The following IQCE variants were observed in gnomAD, a reference collection of about 807,000 sequenced individuals.
IQCE encodes IQ domain-containing protein E.
IQCE carries 115 observed loss-of-function variants against 96.0 expected under a neutral mutation model. The ratio of observed to expected loss-of-function variants is 1.20; its 90% confidence interval spans 1.03 to 1.40. The LOEUF is 1.40. Among genes scored for constraint, IQCE ranks in the 40% most tolerant of loss-of-function variants. IQCE has a pLI of 0.00. For missense variants in IQCE, 1,041 were observed against 909.1 expected (o/e 1.15, Z -1.87); for synonymous variants, 412 against 371.2 (o/e 1.11, Z -1.26).
chr7:2,566,055 A>G (rs1161727825), intron 1 of IQCE, among the ~76,000 whole-genome samples: 7 of 152,174 alleles, frequency 4.6e-5, no homozygotes, highest in African/African-American at 1.7e-4. Context: ...GCATCCCATT[A>G]TGATACTGCG....
At position 2,579,729 on chromosome 7, in the gene IQCE, G is replaced by GTGTGTGTGTC. The variant is rs1554307276; in HGVS notation, c.630+1208_630+1217dup. Reference sequence around the variant, plus strand: ...TGTGTGTGTGTGTGTGTGTGTGTGTGTGTGTGTGTCTGTGGGTATTTTTTT... The same window carrying GTGTGTGTGTC: ...TGTGTGTGTGTGTGTGTGTGTGTGTGTGTGTGTGTCTGTGTGTGTCTGTGGGTATTTTTTT... On this transcript the variant is annotated intron_variant, in intron 8 of 21. Coordinates refer to ENST00000402050, the MANE Select transcript of IQCE (RefSeq NM_152558.5). Among the ~76,000 whole-genome samples, 133 of 147,910 alleles carry GTGTGTGTGTC rather than the reference G, an allele frequency of 9.0e-4. 2 individuals are homozygous for GTGTGTGTGTC. Among genetic ancestry groups the GTGTGTGTGTC allele is most frequent in the African/African-American group, 2.8e-3 (112 of 39,594 alleles).
chr7:2,563,253 G>A (rs908071150), intron 1 of IQCE, among the ~76,000 whole-genome samples: 7 of 152,160 alleles, frequency 4.6e-5, no homozygotes, highest in Non-Finnish European at 7.4e-5. Flanking sequence ...CTGGAGTGCA[G>A]TGGTGCGATC....
Position 2,578,535 on chromosome 7 carries a change from G to C in IQCE, c.630+9G>C. 9 of 1,614,068 alleles carry C rather than the reference G, an allele frequency of 5.6e-6. No individual in the cohort carries two copies. The highest frequency in any genetic ancestry group is 7.6e-6 in the Non-Finnish European group (9 of 1,179,946). On this transcript the variant is annotated intron_variant, in intron 8 of 21. Transcript: ENST00000402050. ...GGCCCGATGCCAGTTGGGTGAGTAT[G>C]GTGTGTGCAGGACAGAGCCTTTCCC...
chr7:2,563,375 T>TTTTGTGTGCGTG (rs60896382), intron 1 of IQCE, among the ~76,000 whole-genome samples: 1 of 135,682 alleles, frequency 7.4e-6, no homozygotes, highest in African/African-American at 2.9e-5. Flanking sequence ...TAATTTTTTG[T>TTTTGTGTGCGTG]TGTGTGTGTG....
chr7:2,611,071 G>T lies in IQCE; in HGVS notation c.*909G>T. 1 of 143,364 alleles carries T rather than the reference G, an allele frequency of 7.0e-6. No homozygotes were observed. 8.9% of individuals were successfully genotyped at this position (143,364 alleles called of 1,614,324 possible). ...GCATCTGGTGTCTGGGACAGTCCCCGTCACCCCATGTGTGCGGCCTCTGCA... is the reference window on the plus strand; with the variant it reads ...GCATCTGGTGTCTGGGACAGTCCCCTTCACCCCATGTGTGCGGCCTCTGCA... On this transcript the variant is annotated 3_prime_UTR_variant, in exon 22 of 22. Transcript: ENST00000402050.
At chr7:2,571,807 T>C (rs1410795896) in intron 4 of IQCE, among the ~76,000 whole-genome samples, 153 bp downstream of exon 4, 1 of 152,258 alleles carries the variant, frequency 6.6e-6, no homozygotes, top group African/African-American at 2.4e-5. Context: ...ATCGTAGTTT[T>C]ATGTCATGCA....
At chr7:2,579,160 G>T (rs1274221098) in intron 8 of IQCE, among the ~76,000 whole-genome samples, 1 of 152,118 alleles carries the variant, frequency 6.6e-6, no homozygotes, top group Middle Eastern at 3.2e-3. Flanking sequence ...GAAGTTGAAT[G>T]AAATGGAAGC....
chr7:2,600,388 A>C (rs1583500749), intron 17 of IQCE, among the ~76,000 whole-genome samples: 1 of 152,244 alleles, frequency 6.6e-6, no homozygotes, highest in African/African-American at 2.4e-5. Flanking sequence ...GCCATTTTAA[A>C]GAAACGAGTT....
intron 6 of IQCE, among the ~76,000 whole-genome samples, chr7:2,573,857 T>C (rs966261410): frequency 2.6e-5 from 4 of 152,192 alleles, no homozygotes; most frequent in Admixed American, 6.5e-5. Context: ...CTTTATGTTA[T>C]CAAGACATCT....
chr7:2,606,547 C>G (rs981716513), intron 20 of IQCE, among the ~76,000 whole-genome samples: 1 of 152,142 alleles, frequency 6.6e-6, no homozygotes, highest in Non-Finnish European at 1.5e-5. Flanking sequence ...CCGTCACCCC[C>G]GTCTGCTTCA....
At chr7:2,562,122 A>G (rs1459538226) in intron 1 of IQCE, among the ~76,000 whole-genome samples, 2 of 152,134 alleles carry the variant, frequency 1.3e-5, no homozygotes, top group Non-Finnish European at 2.9e-5. Context: ...TTTGTCAAAC[A>G]TACCTTCTGT....
chr7:2,609,311 CTTTTTT>C (rs58620813), intron 21 of IQCE, among the ~76,000 whole-genome samples: 5 of 139,900 alleles, frequency 3.6e-5, no homozygotes, highest in South Asian at 2.3e-4. Context: ...GGGAAGTTGG[CTTTTTT>C]TTTTTTTTTT....
intron 8 of IQCE, 30 bp downstream of exon 8, chr7:2,578,556 T>C: frequency 6.2e-7 from 1 of 1,612,260 alleles, no homozygotes; most frequent in Non-Finnish European, 8.5e-7. Context: ...GACAGAGCCT[T>C]TCCCCAGACG....
intron 14 of IQCE, among the ~76,000 whole-genome samples, chr7:2,592,729 A>G (rs929008801): frequency 2.0e-5 from 3 of 152,178 alleles, no homozygotes; most frequent in Admixed American, 6.5e-5. Flanking sequence ...GTCCGTGCCA[A>G]TGAGTGGCGG....
chr7:2,570,570 G>A (rs1021044113), intron 3 of IQCE, among the ~76,000 whole-genome samples: 17 of 151,848 alleles, frequency 1.1e-4, no homozygotes, highest in African/African-American at 2.9e-4. Flanking sequence ...GTGAAACCGC[G>A]GGAAAAACTT....
chr7:2,568,792 G>A (rs1224854774), intron 2 of IQCE, among the ~76,000 whole-genome samples, 162 bp from the exon 3 acceptor site: 2 of 152,116 alleles, frequency 1.3e-5, no homozygotes, highest in East Asian at 3.9e-4. Context: ...GGTCTGCATC[G>A]GGCCCTGCGT....
intron 10 of IQCE, 77 bp downstream of exon 10, chr7:2,583,786 G>T (rs1296229088): frequency 6.2e-5 from 7 of 113,596 alleles, no homozygotes; most frequent in Non-Finnish European, 1.1e-4. Flanking sequence ...ACCGAGCTGG[G>T]CGGCGGGGCG....
chr7:2,586,412 TGGC>T (rs1446447176), intron 12 of IQCE, 41 bp downstream of exon 12: 8 of 99,980 alleles, frequency 8.0e-5, no homozygotes, highest in Non-Finnish European at 8.8e-5. Context: ...GGCCAGGGAA[TGGC>T]AGGGAATGGC....
intron 15 of IQCE, among the ~76,000 whole-genome samples, chr7:2,594,102 A>G (rs1783829836): frequency 6.6e-6 from 1 of 152,128 alleles, no homozygotes; most frequent in African/African-American, 2.4e-5. Context: ...TCTACCAAAA[A>G]TACAAAAATT....
Sources: allele counts gnomAD v4.1 joint callset (sites outside exome capture counted in the v4.1 genomes callset), GRCh38; gene constraint gnomAD v4.1.1; transcripts MANE v1.5; gene names NCBI Gene and HGNC (gene_info 2026-07-23, HGNC 2026-07-21).